PPP2R3B: variants seen among roughly 807,000 people sequenced by gnomAD.
PPP2R3B encodes serine/threonine-protein phosphatase 2A regulatory subunit B'' subunit beta.
PPP2R3B carries 68 observed loss-of-function variants against 72.9 expected under a neutral mutation model. That is an observed-to-expected ratio of 0.93 (90% CI 0.77 to 1.14). PPP2R3B has a LOEUF of 1.14. Among genes scored for constraint, PPP2R3B ranks in the 50% most tolerant of loss-of-function variants. The probability of loss-of-function intolerance (pLI) is 0.00; values close to 1 mark genes in which losing one functional copy is unlikely to be tolerated. For synonymous variants in PPP2R3B, 466 were observed against 375.8 expected (o/e 1.24, Z -2.78); for missense variants, 1,018 against 842.0 (o/e 1.21, Z -2.59).
At chrX:341,474 G>T in intron 8 of PPP2R3B, 78 bp from the exon 9 acceptor site, 2 of 1,479,884 alleles carry the variant, frequency 1.4e-6, no homozygotes, top group South Asian at 1.1e-5. Context: ...CTGTCCACGC[G>T]CCTCGGTGAG....
rs376584855 is a variant in PPP2R3B, at chrX:358,137, G to A, written c.510+3268C>T. 1.8e-3 allele frequency among the ~76,000 whole-genome samples: 275 copies of A among 152,286 alleles called. 1 individual carries two copies. The highest frequency in any genetic ancestry group is 6.5e-3 in the African/African-American group (270 of 41,558). ...CGAAACGGCAGTGACACCCCTACTCGTTCGTCCCCTGGGCCGGGGGCCCGG... is the reference window on the plus strand; with the variant it reads ...CGAAACGGCAGTGACACCCCTACTCATTCGTCCCCTGGGCCGGGGGCCCGG... On this transcript the variant is annotated intron_variant, in intron 2 of 12. Coordinates refer to ENST00000390665, the MANE Select transcript of PPP2R3B (RefSeq NM_013239.5).
intron 12 of PPP2R3B, 112 bp downstream of exon 12, chrX:338,492 T>TG: frequency 9.1e-7 from 1 of 1,097,312 alleles, no homozygotes; most frequent in Middle Eastern, 2.9e-4. Context: ...CCCACCTGAC[T>TG]GACCCCGCAT....
intron 7 of PPP2R3B, 132 bp from the exon 8 acceptor site, chrX:342,063 G>A: frequency 9.0e-7 from 1 of 1,105,080 alleles, no homozygotes; most frequent in Non-Finnish European, 1.4e-6. Context: ...AGAGCCCCGG[G>A]GCCCCGATGC....
chrX:356,107 C>T (rs1341228724), intron 2 of PPP2R3B, among the ~76,000 whole-genome samples: 1 of 152,190 alleles, frequency 6.6e-6, no homozygotes, highest in Non-Finnish European at 1.5e-5. Flanking sequence ...GACGCCTGCA[C>T]ACGCACAGAA....
chrX:338,717 GA>G lies in PPP2R3B; in HGVS notation c.1471-8del. 1 of 1,611,768 alleles carries G rather than the reference GA, an allele frequency of 6.2e-7. No homozygotes were observed. On this transcript the variant is annotated splice_polypyrimidine_tract_variant and splice_region_variant and intron_variant, in intron 11 of 12. Coordinates refer to ENST00000390665, the MANE Select transcript of PPP2R3B (RefSeq NM_013239.5). ...GGCCGCCGCTGTCACCGTCCTGGAG[GA>G]AGCACACGGGTTACGTACACGGCGT...
chrX:354,438 A>G (rs2071401147), intron 2 of PPP2R3B, among the ~76,000 whole-genome samples: 1 of 152,284 alleles, frequency 6.6e-6, no homozygotes, highest in Non-Finnish European at 1.5e-5. Flanking sequence ...CTCAGACGTC[A>G]GTCAGGTCCA....
chrX:368,040 C>T (rs2071761282), intron 1 of PPP2R3B, among the ~76,000 whole-genome samples: 1 of 152,248 alleles, frequency 6.6e-6, no homozygotes, highest in Non-Finnish European at 1.5e-5. Flanking sequence ...AGCCTCGGCA[C>T]TGATCAAGTA....
intron 2 of PPP2R3B, among the ~76,000 whole-genome samples, chrX:356,201 A>G (rs1432952850): frequency 2.6e-5 from 4 of 152,164 alleles, no homozygotes; most frequent in Non-Finnish European, 5.9e-5. Flanking sequence ...CCACCCCGGA[A>G]GCAGGGTTTT....
chrX:338,083 T>G, intron 12 of PPP2R3B: 1 of 169,790 alleles, frequency 5.9e-6, no homozygotes, highest in Non-Finnish European at 1.3e-5. Context: ...GAAGAGGGGG[T>G]GAAAACATAC....
At chrX:347,097 G>A in intron 4 of PPP2R3B, 137 bp downstream of exon 4, 1 of 1,072,000 alleles carries the variant, frequency 9.3e-7, no homozygotes, top group Non-Finnish European at 1.4e-6. Flanking sequence ...CTCCCATGAG[G>A]TGTGCGGTGT....
At chrX:342,176 C>G (rs1228911352) in intron 7 of PPP2R3B, 3 of 606,088 alleles carry the variant, frequency 4.9e-6, no homozygotes, top group Non-Finnish European at 5.9e-6. Context: ...GCTCCAAGAC[C>G]GACTTGTAAA....
chrX:364,037 G>T (rs1400994425), intron 1 of PPP2R3B, among the ~76,000 whole-genome samples: 2 of 152,248 alleles, frequency 1.3e-5, no homozygotes, highest in Non-Finnish European at 2.9e-5. Context: ...CTGGAAGGAA[G>T]AACCCGGGGA....
At position 366,908 on chromosome X, in the gene PPP2R3B, A is replaced by G. The variant is rs56109703; in HGVS notation, c.325-5318T>C. Reference sequence around the variant, plus strand: ...CCAGGTGTGGTGGCGCATGCCTGTAATCCCAGCTACTTGAGAGGCTGAGGC... The same window carrying G: ...CCAGGTGTGGTGGCGCATGCCTGTAGTCCCAGCTACTTGAGAGGCTGAGGC... On this transcript the variant is annotated intron_variant, in intron 1 of 12. Coordinates refer to ENST00000390665, the MANE Select transcript of PPP2R3B (RefSeq NM_013239.5). Among the ~76,000 whole-genome samples the G allele has an allele frequency of 9.7e-5, 13 of 133,554 alleles. 1 individual carries two copies. The highest frequency in any genetic ancestry group is 2.5e-4 in the African/African-American group (8 of 31,558). 87.6% of individuals were successfully genotyped at this position (133,554 alleles called of 152,430 possible). A position where few individuals can be genotyped will look rare whatever the true frequency, so the allele number is the denominator to read the frequency against.
intron 7 of PPP2R3B, among the ~76,000 whole-genome samples, chrX:344,468 A>C (rs2071152820): frequency 6.6e-6 from 1 of 152,252 alleles, no homozygotes; most frequent in African/African-American, 2.4e-5. Flanking sequence ...CCCCCGCTTC[A>C]GGCCGCAGTG....
chrX:381,169 T>A lies in PPP2R3B; in HGVS notation c.324+5199A>T, dbSNP rs777138652. ...GGCTCAAACTCCTGGCCTCAAGGGA[T>A]CCTCCCTCCTTGGCCTCCCAAAGTG... On this transcript the variant is annotated intron_variant, in intron 1 of 12. Transcript: ENST00000390665. Among the ~76,000 whole-genome samples, 6 of 152,094 alleles carry A rather than the reference T, an allele frequency of 3.9e-5. No homozygotes were observed. The South Asian group carries it at 1.2e-3, about 32-fold the overall frequency.
chrX:346,092 G>GA, intron 6 of PPP2R3B, 82 bp downstream of exon 6: 1 of 672,248 alleles, frequency 1.5e-6, no homozygotes, highest in Non-Finnish European at 2.3e-6. Context: ...GAGGAGGGAG[G>GA]GGGGAGGAGG....
chrX:335,052 C>T (rs1258208295), intron 12 of PPP2R3B: 5 of 152,678 alleles, frequency 3.3e-5, no homozygotes, highest in African/African-American at 1.2e-4. Flanking sequence ...ACCACACAGA[C>T]TCTCAGAGAT....
At chrX:361,699 G>C in intron 1 of PPP2R3B, 109 bp from the exon 2 acceptor site, 1 of 1,285,280 alleles carries the variant, frequency 7.8e-7, no homozygotes, top group Middle Eastern at 2.7e-4. Flanking sequence ...GAGGCCACCT[G>C]ATCCCAGCCG....
chrX:340,677 G>A (rs1305322748), intron 10 of PPP2R3B, 88 bp downstream of exon 10: 6 of 1,489,602 alleles, frequency 4.0e-6, no homozygotes, highest in East Asian at 4.9e-5. Flanking sequence ...TCCCTGGGCC[G>A]TCCTCTCGCC....
Sources: allele counts gnomAD v4.1 joint callset (sites outside exome capture counted in the v4.1 genomes callset), GRCh38; gene constraint gnomAD v4.1.1; transcripts MANE v1.5; gene names NCBI Gene and HGNC (gene_info 2026-07-23, HGNC 2026-07-21).